Variants in CDH4 observed in about 807,000 individuals in gnomAD.
CDH4 encodes the protein cadherin 4, also known as cadherin-4.
CDH4 carries 33 observed loss-of-function variants against 86.0 expected under a neutral mutation model. The observed-to-expected ratio is 0.38, with a 90% CI of 0.29 to 0.51. The LOEUF (loss-of-function observed/expected upper bound fraction) is 0.51. Among genes scored for constraint, CDH4 ranks in the 20% least tolerant of loss-of-function variants. The pLI, the probability that CDH4 is intolerant of heterozygous loss-of-function variation, is 0.86. For missense variants in CDH4, 1,114 were observed against 1,307.4 expected, an observed-to-expected ratio of 0.85 and a Z score of 2.28; for synonymous variants, 555 against 549.4, an observed-to-expected ratio of 1.01 and a Z score of -0.14.
At chr20:61,774,233 C>T (rs1312763097) in intron 4 of CDH4, among the ~76,000 whole-genome samples, 2 of 152,232 alleles carry the variant, frequency 1.3e-5, no homozygotes, top group East Asian at 3.8e-4. Flanking sequence ...ACCCATGCCC[C>T]TTGAGGGCCA....
At chr20:61,576,619 A>G (rs950458152) in intron 2 of CDH4, among the ~76,000 whole-genome samples, 1 of 152,156 alleles carries the variant, frequency 6.6e-6, no homozygotes, top group East Asian at 1.9e-4. Context: ...GGCAGACATC[A>G]CTTATCAACC....
chr20:61,806,895 G>A (rs1194355769), intron 4 of CDH4, among the ~76,000 whole-genome samples: 2 of 152,182 alleles, frequency 1.3e-5, no homozygotes, highest in Non-Finnish European at 2.9e-5. Context: ...GTGGCCACAG[G>A]GCCTGGAGGA....
At chr20:61,512,642 C>T (rs1430911786) in intron 2 of CDH4, among the ~76,000 whole-genome samples, 3 of 152,218 alleles carry the variant, frequency 2.0e-5, no homozygotes, top group Admixed American at 2.0e-4. Context: ...AACACCGGCA[C>T]CCAAAGAGTC....
At chr20:61,857,325 G>A (rs1165285451) in intron 6 of CDH4, among the ~76,000 whole-genome samples, 1 of 152,252 alleles carries the variant, frequency 6.6e-6, no homozygotes, top group East Asian at 1.9e-4. Context: ...CCCTAAGGCT[G>A]GTGAGTTCCG....
intron 2 of CDH4, among the ~76,000 whole-genome samples, chr20:61,525,362 G>T (rs553564421): frequency 7.2e-5 from 11 of 152,286 alleles, no homozygotes; most frequent in African/African-American, 2.6e-4. Flanking sequence ...GCCCAGTGCT[G>T]CCCTGGACAG....
intron 2 of CDH4, among the ~76,000 whole-genome samples, chr20:61,539,470 T>A (rs62199204): frequency 0.051 from 7,722 of 152,246 alleles, 218 homozygotes; most frequent in East Asian, 0.08. Context: ...CACGGAGTCG[T>A]CCCTGTGTGT....
intron 2 of CDH4, among the ~76,000 whole-genome samples, chr20:61,723,603 C>A (rs1326636896): frequency 6.6e-6 from 1 of 152,156 alleles, no homozygotes; most frequent in African/African-American, 2.4e-5. Context: ...CTGAACAGCT[C>A]AAAAATGCAT....
At chr20:61,895,801 C>T (rs894115743) in intron 8 of CDH4, among the ~76,000 whole-genome samples, 1 of 152,188 alleles carries the variant, frequency 6.6e-6, no homozygotes, top group African/African-American at 2.4e-5. Context: ...CAACCAGGAC[C>T]CTTTGTGGTG....
chr20:61,671,591 G>A (rs762954433), intron 2 of CDH4, among the ~76,000 whole-genome samples: 3 of 151,828 alleles, frequency 2.0e-5, no homozygotes, highest in Non-Finnish European at 4.4e-5. Context: ...GATGATGAAC[G>A]GGTGGATGGA....
At chr20:61,786,364 C>T (rs1265175772) in intron 4 of CDH4, among the ~76,000 whole-genome samples, 1 of 152,100 alleles carries the variant, frequency 6.6e-6, no homozygotes, top group Non-Finnish European at 1.5e-5. Context: ...CTGCGAGTCG[C>T]CCGGCAGCCA....
rs113871313 is a variant in CDH4 at position 61,503,351 on chromosome 20, A to T, written c.170-240212A>T. 6.9e-3 allele frequency among the ~76,000 whole-genome samples: 1,048 copies of T among 152,370 alleles called. 11 individuals are homozygous for T. The highest frequency in any genetic ancestry group is 0.024 in the African/African-American group (1,007 of 41,586). ...GCTCCACATTGCAAATATGAAGGAT[A>T]TGCTTTCAAAAAAGGACAAGGGAAA... is the stretch of plus-strand genomic sequence containing the variant. On this transcript the variant is annotated intron_variant, in intron 2 of 15. Coordinates refer to ENST00000614565, the MANE Select transcript of CDH4 (RefSeq NM_001794.5).
intron 2 of CDH4, among the ~76,000 whole-genome samples, chr20:61,273,385 C>T (rs1340115368): frequency 2.0e-5 from 2 of 99,846 alleles, no homozygotes; most frequent in Non-Finnish European, 3.8e-5. Context: ...AGGGGAGTAC[C>T]GTGTGCAGTT....
intron 2 of CDH4, among the ~76,000 whole-genome samples, chr20:61,578,319 A>G (rs2086399663): frequency 6.6e-6 from 1 of 152,198 alleles, no homozygotes. Flanking sequence ...ATGCAGACCC[A>G]GGTAATCTAA....
intron 11 of CDH4, among the ~76,000 whole-genome samples, chr20:61,926,562 G>C (rs948651871): frequency 1.3e-5 from 2 of 152,182 alleles, no homozygotes; most frequent in African/African-American, 4.8e-5. Context: ...CAAGCCCTGA[G>C]GTTAAATTAG....
At chr20:61,267,232 C>T (rs1012504504) in intron 2 of CDH4, among the ~76,000 whole-genome samples, 9 of 152,178 alleles carry the variant, frequency 5.9e-5, no homozygotes, top group Non-Finnish European at 1.0e-4. Context: ...TCACAGGGAA[C>T]GAATCCACCC....
intron 2 of CDH4, among the ~76,000 whole-genome samples, chr20:61,261,588 C>T (rs2084127779): frequency 1.3e-5 from 2 of 152,142 alleles, no homozygotes; most frequent in Admixed American, 1.3e-4. Context: ...TGGAGATTGG[C>T]CTAAGGGTAG....
chr20:61,802,929 C>T (rs1979908501), intron 4 of CDH4, among the ~76,000 whole-genome samples: 1 of 152,246 alleles, frequency 6.6e-6, no homozygotes, highest in African/African-American at 2.4e-5. Flanking sequence ...GGAGGGGCTT[C>T]TCCGAATTCT....
chr20:61,269,223 G>T lies in CDH4; in HGVS notation c.169+14286G>T, dbSNP rs62199393. On this transcript the variant is annotated intron_variant, in intron 2 of 15. Coordinates refer to ENST00000614565, the MANE Select transcript of CDH4 (RefSeq NM_001794.5). The surrounding 1 kb of genome is among the most constrained non-coding windows in gnomAD (Gnocchi z 5.3). ...ACTAACCCTCCTTTCACAGAGTTGG[G>T]GTGCTGACATAGGACAGTTTGGCAC... Among the ~76,000 whole-genome samples the T allele has an allele frequency of 0.04, 6,105 of 152,232 alleles. 168 individuals are homozygous for T. Among genetic ancestry groups the T allele is most frequent in the Middle Eastern group, 0.12 (34 of 294 alleles).
At chr20:61,444,058 GTC>G (rs2085328949) in intron 2 of CDH4, among the ~76,000 whole-genome samples, 1 of 38,232 alleles carries the variant, frequency 2.6e-5, no homozygotes, top group African/African-American at 6.3e-5. Flanking sequence ...ATCTCTGGTT[GTC>G]TGTGTGTGTG....
Sources: gnomAD v4.1 joint callset for allele counts (sites outside exome capture counted in the v4.1 genomes callset) on GRCh38, gnomAD v4.1.1 for gene constraint, Gnocchi (gnomAD v3.1) non-coding constraint, MANE v1.5 for transcripts, NCBI Gene and HGNC (gene_info 2026-07-23, HGNC 2026-07-21) for gene names.